KDM6A: variants seen among roughly 807,000 people sequenced by gnomAD.
KDM6A encodes lysine-specific demethylase 6A.
KDM6A carries 11 observed loss-of-function variants against 117.6 expected under a neutral mutation model. That is an observed-to-expected ratio of 0.09 (90% CI 0.06 to 0.15). The LOEUF is 0.15. KDM6A is among the 10% of genes least tolerant of loss of function. The probability of loss-of-function intolerance (pLI) is 1.00; values close to 1 mark genes in which losing one functional copy is unlikely to be tolerated. For missense variants in KDM6A, 799 were observed against 1,077.3 expected, an observed-to-expected ratio of 0.74 and a Z score of 3.62; for synonymous variants, 384 against 396.1, an observed-to-expected ratio of 0.97 and a Z score of 0.36.
intron 5 of KDM6A, among the ~76,000 whole-genome samples, chrX:45,019,672 TG>T (rs1394557511): frequency 2.7e-5 from 3 of 111,762 alleles, no homozygotes; most frequent in Non-Finnish European, 5.6e-5. Context: ...TATATTAGCT[TG>T]TGCTTGGAAG....
intron 2 of KDM6A, among the ~76,000 whole-genome samples, chrX:44,937,869 G>GT (rs772044422): frequency 2.0e-4 from 22 of 112,161 alleles, no homozygotes; most frequent in African/African-American, 5.8e-4. Flanking sequence ...AGGAAACTTT[G>GT]TTTTTAAAGA....
chrX:44,918,098 G>T (rs1412400798), intron 2 of KDM6A, among the ~76,000 whole-genome samples: 2 of 111,147 alleles, frequency 1.8e-5, no homozygotes, highest in Non-Finnish European at 3.8e-5. Flanking sequence ...AAACTGTGTT[G>T]GCTTGTTCAA....
At chrX:45,058,466 A>G (rs1233614110) in intron 10 of KDM6A, among the ~76,000 whole-genome samples, 3 of 110,752 alleles carry the variant, frequency 2.7e-5, no homozygotes, top group Middle Eastern at 4.7e-3. Context: ...ACTTTATACT[A>G]TTTTTGATAC....
chrX:44,892,534 C>CA (rs1169004208), intron 2 of KDM6A, among the ~76,000 whole-genome samples: 1 of 107,443 alleles, frequency 9.3e-6, no homozygotes, highest in Non-Finnish European at 1.9e-5. Flanking sequence ...CTAAAAAATA[C>CA]AAAAAAAATT....
chrX:44,874,151 C>T (rs2031207303), intron 2 of KDM6A, among the ~76,000 whole-genome samples, 164 bp downstream of exon 2: 1 of 111,913 alleles, frequency 8.9e-6, no homozygotes, highest in African/African-American at 3.2e-5. Context: ...CCCGGGTACC[C>T]TGCTTGCTCC....
At chrX:45,085,835 G>A (rs1197742007) in intron 24 of KDM6A, 30 bp from the exon 25 acceptor site, 2 of 894,675 alleles carry the variant, frequency 2.2e-6, no homozygotes, top group Non-Finnish European at 3.3e-6. Context: ...CACCACTGGA[G>A]CTCCAATTTT....
intron 2 of KDM6A, among the ~76,000 whole-genome samples, chrX:44,947,758 T>C (rs1278303116): frequency 8.9e-6 from 1 of 111,744 alleles, no homozygotes; most frequent in East Asian, 2.8e-4. Flanking sequence ...TAAAATAACA[T>C]TTAAAAAATT....
chrX:45,047,570 T>C (rs746174889), intron 8 of KDM6A, among the ~76,000 whole-genome samples: 2 of 108,669 alleles, frequency 1.8e-5, no homozygotes, highest in Non-Finnish European at 3.8e-5. Context: ...TTCTGGAATT[T>C]CCTTTTGTTT....
At chrX:44,947,668 G>A (rs1037277612) in intron 2 of KDM6A, among the ~76,000 whole-genome samples, 3 of 111,572 alleles carry the variant, frequency 2.7e-5, no homozygotes, top group Non-Finnish European at 3.8e-5. Flanking sequence ...GAGCTACCGC[G>A]CCCAGCCAAT....
At chrX:45,065,679 A>G (rs1239456572) in intron 17 of KDM6A, among the ~76,000 whole-genome samples, 1 of 112,071 alleles carries the variant, frequency 8.9e-6, no homozygotes, top group East Asian at 2.8e-4. Flanking sequence ...GGCCTGACCA[A>G]CTAGAAGGAT....
At chrX:44,917,040 T>TA (rs2035606393) in intron 2 of KDM6A, among the ~76,000 whole-genome samples, 2 of 106,724 alleles carry the variant, frequency 1.9e-5, no homozygotes, top group African/African-American at 3.4e-5. Context: ...TTTTTTTTTT[T>TA]AATTTAAGTA....
At chrX:45,058,509 A>AT (rs922516028) in intron 10 of KDM6A, among the ~76,000 whole-genome samples, 4 of 110,707 alleles carry the variant, frequency 3.6e-5, no homozygotes, top group East Asian at 5.6e-4. Context: ...TTACATGTGC[A>AT]TTTTTTTTAT....
At chrX:44,942,314 T>A (rs1040205832) in intron 2 of KDM6A, among the ~76,000 whole-genome samples, 36 of 110,995 alleles carry the variant, frequency 3.2e-4, no homozygotes, top group African/African-American at 1.2e-3. Context: ...ATTACAGGTA[T>A]GAGCCACCAT....
chrX:44,921,502 C>T (rs1008250860), intron 2 of KDM6A, among the ~76,000 whole-genome samples: 1 of 111,369 alleles, frequency 9.0e-6, no homozygotes, highest in Non-Finnish European at 1.9e-5. Context: ...CCCTTTATAG[C>T]CACACCAATC....
intron 4 of KDM6A, among the ~76,000 whole-genome samples, chrX:44,986,115 A>G (rs1230079691): frequency 9.0e-5 from 10 of 111,346 alleles, no homozygotes; most frequent in East Asian, 8.4e-4. Flanking sequence ...CAGAGATTCA[A>G]CTTCTTCCTG....
Position 45,051,793 on chromosome X carries a change from C to G in KDM6A, c.739C>G (p.Gln247Glu), listed in dbSNP as rs1279002922. 7.2e-6 allele frequency: 8 copies of G among 1,116,632 alleles called. No homozygotes were observed. The highest frequency in any genetic ancestry group is 9.9e-6 in the Non-Finnish European group (8 of 811,073). 92.0% of individuals were successfully genotyped at this position (1,116,632 alleles called of 1,213,427 possible). The change falls in exon 9 of 30, where the codon CAA (glutamine) becomes GAA (glutamate). Residue 247 changes from glutamine (Q) to glutamate (E), a missense_variant. Around this residue, in one of 8 missense-constraint regions of KDM6A, gnomAD observed 63 missense variants for 68.2 expected, o/e 0.92. Coordinates refer to ENST00000611820, the MANE Select transcript of KDM6A (RefSeq NM_001291415.2). ...LSAQVKATVL[Q>E]QLGWMHHTVD... ...TGCACAAGTAAAAGCAACTGTCTTA[C>G]AACAGTTAGGTATGTAATAGTATAC...
chrX:44,884,390 C>T (rs773599639), intron 2 of KDM6A, among the ~76,000 whole-genome samples: 1 of 110,859 alleles, frequency 9.0e-6, no homozygotes, highest in Admixed American at 9.7e-5. Flanking sequence ...ACTTCAGTAC[C>T]GATGGGTAGA....
chrX:45,061,142 A>T (rs2044269704), intron 14 of KDM6A, among the ~76,000 whole-genome samples, 182 bp from the exon 15 acceptor site: 1 of 111,358 alleles, frequency 9.0e-6, no homozygotes, highest in South Asian at 3.7e-4. Flanking sequence ...GTAATTTTTA[A>T]ATGTATGATT....
intron 18 of KDM6A, among the ~76,000 whole-genome samples, chrX:45,073,263 A>G (rs149864328): frequency 0.052 from 5,811 of 111,708 alleles, 153 homozygotes; most frequent in Non-Finnish European, 0.08. Context: ...TTCTTAATCC[A>G]GTCTATCATT....
Sources: allele counts gnomAD v4.1 joint callset (sites outside exome capture counted in the v4.1 genomes callset), GRCh38; gene constraint gnomAD v4.1.1; regional missense constraint gnomAD v4.1.1; transcripts MANE v1.5; gene names NCBI Gene and HGNC (gene_info 2026-07-23, HGNC 2026-07-21).